The following SGCZ variants were observed in gnomAD, a reference collection of about 807,000 sequenced individuals.
SGCZ encodes zeta-sarcoglycan.
Under a neutral mutation model 41.3 loss-of-function variants are expected in SGCZ, and 40 were observed. That is an observed-to-expected ratio of 0.97 (90% CI 0.75 to 1.26). SGCZ has a LOEUF of 1.26. Ranked by LOEUF, SGCZ falls within the 50% of genes most tolerant of loss-of-function variation. SGCZ has a pLI of 0.00. For missense variants in SGCZ, 552 were observed against 369.8 expected (o/e 1.49, Z -4.04); for synonymous variants, 206 against 137.5 (o/e 1.50, Z -3.49).
intron 1 of SGCZ, among the ~76,000 whole-genome samples, chr8:14,697,622 T>C (rs1335708415): frequency 1.3e-5 from 2 of 151,964 alleles, no homozygotes; most frequent in Non-Finnish European, 2.9e-5. Context: ...GTTTATTAAA[T>C]TCCATAAACA....
At chr8:14,509,842 G>A (rs922702292) in intron 2 of SGCZ, among the ~76,000 whole-genome samples, 5 of 152,050 alleles carry the variant, frequency 3.3e-5, no homozygotes, top group African/African-American at 1.2e-4. Context: ...GAGAGAAGAG[G>A]GGCAAAGTGG....
intron 2 of SGCZ, among the ~76,000 whole-genome samples, chr8:14,518,488 G>A (rs898381911): frequency 3.3e-5 from 5 of 151,980 alleles, no homozygotes; most frequent in Admixed American, 6.6e-5. Context: ...TTATTATAAT[G>A]TGATATGGTA....
chr8:14,974,733 A>T (rs1232811880), intron 1 of SGCZ, among the ~76,000 whole-genome samples: 1 of 152,160 alleles, frequency 6.6e-6, no homozygotes, highest in Non-Finnish European at 1.5e-5. Flanking sequence ...CAACCACCCT[A>T]TGAGGCACAC....
At chr8:15,014,161 C>G (rs1258086169) in intron 1 of SGCZ, among the ~76,000 whole-genome samples, 1 of 152,176 alleles carries the variant, frequency 6.6e-6, no homozygotes, top group Non-Finnish European at 1.5e-5. Flanking sequence ...GCACTGAAAA[C>G]AAGCCTGGAG....
At chr8:14,400,881 TTTAAA>T (rs1204200813) in intron 2 of SGCZ, among the ~76,000 whole-genome samples, 1 of 152,072 alleles carries the variant, frequency 6.6e-6, no homozygotes, top group East Asian at 1.9e-4. Context: ...CTCCAAAGAG[TTTAAA>T]TTAATTTATG....
At chr8:14,421,041 G>C (rs559571132) in intron 2 of SGCZ, among the ~76,000 whole-genome samples, 1 of 152,168 alleles carries the variant, frequency 6.6e-6, no homozygotes, top group African/African-American at 2.4e-5. Flanking sequence ...CAAAGATAAT[G>C]AGATGATTTT....
chr8:14,306,730 T>G (rs2116986244), intron 3 of SGCZ, among the ~76,000 whole-genome samples: 1 of 152,320 alleles, frequency 6.6e-6, no homozygotes, highest in East Asian at 1.9e-4. Context: ...GCATTTGCAT[T>G]ATTTGTGGTC....
intron 1 of SGCZ, among the ~76,000 whole-genome samples, chr8:14,768,526 G>A (rs940988460): frequency 6.6e-6 from 1 of 152,094 alleles, no homozygotes. Context: ...CATTATTTAA[G>A]GGCAAATTTG....
At chr8:14,933,509 G>T (rs967730171) in intron 1 of SGCZ, among the ~76,000 whole-genome samples, 6 of 140,666 alleles carry the variant, frequency 4.3e-5, no homozygotes, top group African/African-American at 1.6e-4. Context: ...TCTGCTCACT[G>T]CAAGCTCCGC....
chr8:14,498,790 T>G (rs1802065369), intron 2 of SGCZ, among the ~76,000 whole-genome samples: 1 of 152,088 alleles, frequency 6.6e-6, no homozygotes, highest in Non-Finnish European at 1.5e-5. Flanking sequence ...ACATATATTT[T>G]AAATCTCCAT....
chr8:14,284,954 G>T (rs1317390531), intron 3 of SGCZ, among the ~76,000 whole-genome samples: 1 of 151,846 alleles, frequency 6.6e-6, no homozygotes, highest in Non-Finnish European at 1.5e-5. Context: ...ATTCTATGTT[G>T]GGCATTTTCT....
At chr8:14,864,581 T>A (rs1803862171) in intron 1 of SGCZ, among the ~76,000 whole-genome samples, 1 of 152,108 alleles carries the variant, frequency 6.6e-6, no homozygotes, top group South Asian at 2.1e-4. Flanking sequence ...AATAATAAGA[T>A]TTAGATTGTT....
At chr8:15,017,209 C>T (rs1051249184) in intron 1 of SGCZ, among the ~76,000 whole-genome samples, 1 of 152,140 alleles carries the variant, frequency 6.6e-6, no homozygotes, top group African/African-American at 2.4e-5. Context: ...AATTTAGTTG[C>T]CTCATCAGTA....
Position 14,784,935 on chromosome 8 carries a change from A to ATAT in SGCZ, c.40-230010_40-230009insATA, listed in dbSNP as rs1563267388. ...AAAAATATATATATATATATATATA[A>ATAT]AATATATATATTTTTTATATTATAT... is the stretch of plus-strand genomic sequence containing the variant. On this transcript the variant is annotated intron_variant, in intron 1 of 7. Transcript: ENST00000382080. Among the ~76,000 whole-genome samples the ATAT allele has an allele frequency of 1.3e-4, 9 of 68,524 alleles. 1 individual carries two copies. Among genetic ancestry groups the ATAT allele is most frequent in the African/African-American group, 4.0e-4 (8 of 19,950 alleles). The allele number at this position is 68,524 out of a possible 152,430, so 45.0% of individuals were successfully genotyped here. A position where few individuals can be genotyped will look rare whatever the true frequency, so the allele number is the denominator to read the frequency against.
chr8:15,132,669 T>C (rs969768671), intron 1 of SGCZ, among the ~76,000 whole-genome samples: 1 of 152,192 alleles, frequency 6.6e-6, no homozygotes, highest in Non-Finnish European at 1.5e-5. Context: ...GTGAGAGCAA[T>C]TGGTAAATAT....
At chr8:14,442,713 G>T (rs1195037316) in intron 2 of SGCZ, among the ~76,000 whole-genome samples, 1 of 152,124 alleles carries the variant, frequency 6.6e-6, no homozygotes, top group African/African-American at 2.4e-5. Context: ...GTCTCACCCA[G>T]TTTCTCCAAC....
intron 1 of SGCZ, among the ~76,000 whole-genome samples, chr8:15,005,328 C>CTTTTTTTTTTTTTTTTT (rs10603664): frequency 2.5e-5 from 2 of 78,726 alleles, no homozygotes; most frequent in African/African-American, 5.0e-5. Flanking sequence ...TTTTCTTTTT[C>CTTTTTTTTTTTTTTTTT]TTTTTTTTTT....
At chr8:15,139,314 G>A (rs1244592948) in intron 1 of SGCZ, among the ~76,000 whole-genome samples, 4 of 152,110 alleles carry the variant, frequency 2.6e-5, no homozygotes, top group Non-Finnish European at 5.9e-5. Context: ...GGGAGAGGAC[G>A]GGGTATGTCT....
intron 2 of SGCZ, among the ~76,000 whole-genome samples, chr8:14,526,076 A>G (rs2117112675): frequency 6.6e-6 from 1 of 152,254 alleles, no homozygotes. Flanking sequence ...TTGATATCTT[A>G]CAGAAACTTT....
Sources: allele counts gnomAD v4.1 joint callset (sites outside exome capture counted in the v4.1 genomes callset), GRCh38; gene constraint gnomAD v4.1.1; transcripts MANE v1.5; gene names NCBI Gene and HGNC (gene_info 2026-07-23, HGNC 2026-07-21).